Variants in MERTK observed in about 807,000 individuals in gnomAD.
The protein encoded by MERTK is tyrosine-protein kinase Mer.
A neutral mutation model predicts 99.3 loss-of-function variants in MERTK; 69 were observed. The observed-to-expected ratio is 0.70, with a 90% CI of 0.57 to 0.85. The LOEUF (loss-of-function observed/expected upper bound fraction) is 0.85, where lower values mean the gene tolerates loss of function less well. MERTK is among the 40% of genes least tolerant of loss of function. The pLI is 0.00. For synonymous variants in MERTK, 426 were observed against 467.6 expected (o/e 0.91, Z 1.15); for missense variants, 1,125 against 1,249.4 (o/e 0.90, Z 1.50).
intron 4 of MERTK, 22 bp downstream of exon 4, chr2:111,947,589 A>T: frequency 6.2e-7 from 1 of 1,613,266 alleles, no homozygotes; most frequent in Non-Finnish European, 8.5e-7. Context: ...CTGTGGGCTT[A>T]TTGATTTATT....
At chr2:111,986,996 C>G (rs1676490489) in intron 8 of MERTK, among the ~76,000 whole-genome samples, 1 of 152,210 alleles carries the variant, frequency 6.6e-6, no homozygotes, top group Non-Finnish European at 1.5e-5. Context: ...ATCTTGGCAT[C>G]TGTCACTTTG....
At chr2:111,911,689 C>G (rs973184400) in intron 1 of MERTK, among the ~76,000 whole-genome samples, 1 of 57,698 alleles carries the variant, frequency 1.7e-5, no homozygotes, top group Non-Finnish European at 3.0e-5. Flanking sequence ...AGCGCCCAGC[C>G]TTTTTTTTTT....
At chr2:111,935,106 A>G (rs1370249074) in intron 2 of MERTK, among the ~76,000 whole-genome samples, 1 of 152,224 alleles carries the variant, frequency 6.6e-6, no homozygotes, top group Non-Finnish European at 1.5e-5. Flanking sequence ...TGGTGATGTC[A>G]TTTTAGACAC....
intron 13 of MERTK, among the ~76,000 whole-genome samples, chr2:112,007,154 T>A (rs1329392356): frequency 6.6e-6 from 1 of 152,148 alleles, no homozygotes; most frequent in African/African-American, 2.4e-5. Flanking sequence ...TCCAAAACTT[T>A]TCTTTTCTTT....
rs533575602 is a variant in MERTK at position 111,936,882 on chromosome 2, G to C, written c.482+7342G>C. Among the ~76,000 whole-genome samples the C allele has an allele frequency of 2.0e-5, 3 of 152,254 alleles. No individual in the cohort carries two copies. The East Asian group carries it at 5.8e-4, about 29-fold the overall frequency. On this transcript the variant is annotated intron_variant, in intron 2 of 18. Coordinates refer to ENST00000295408, the MANE Select transcript of MERTK (RefSeq NM_006343.3). ...ATATTATAATTAGCTCTGATGTCTAGTATAGCAAGTAAACAGCCCTCTAGC... is the reference window on the plus strand; with the variant it reads ...ATATTATAATTAGCTCTGATGTCTACTATAGCAAGTAAACAGCCCTCTAGC...
In MERTK at chr2:112,019,487, T is replaced by C. The variant is rs1573646176; in HGVS notation, c.2154T>C (p.Asn718=). ...GAATGGAGTATCTGAGCAACAGGAATTTTCTTCATCGAGATTTAGCTGCTC... is the reference window on the plus strand; with the variant it reads ...GAATGGAGTATCTGAGCAACAGGAACTTTCTTCATCGAGATTTAGCTGCTC... ...ALGMEYLSNR[N]FLHRDLAARN... is the part of the protein sequence containing the mutation. Residue 718 remains asparagine, a synonymous_variant, in exon 16 of 19, where the codon AAT becomes AAC. Coordinates refer to ENST00000295408, the MANE Select transcript of MERTK (RefSeq NM_006343.3). 1 of 1,613,930 alleles carries C rather than the reference T, an allele frequency of 6.2e-7. No homozygotes were observed. Among genetic ancestry groups the C allele is most frequent in the Non-Finnish European group, 8.5e-7 (1 of 1,179,834 alleles).
At chr2:111,927,231 A>G in intron 1 of MERTK, among the ~76,000 whole-genome samples, 1 of 152,206 alleles carries the variant, frequency 6.6e-6, no homozygotes, top group East Asian at 1.9e-4. Context: ...GTTGGCCCCC[A>G]ACATCAAAGG....
chr2:111,973,022 C>A (rs1372803061), intron 6 of MERTK, among the ~76,000 whole-genome samples: 1 of 152,180 alleles, frequency 6.6e-6, no homozygotes, highest in African/African-American at 2.4e-5. Flanking sequence ...CTCTCACTTC[C>A]TTTGGTCCTG....
intron 4 of MERTK, chr2:111,952,070 A>G (rs1227858892): frequency 6.6e-6 from 1 of 152,168 alleles, no homozygotes; most frequent in Non-Finnish European, 1.5e-5. Context: ...ATTTATTTCT[A>G]AAAGGTCAGT....
chr2:111,996,385 G>C (rs1046012613), intron 9 of MERTK: 8 of 153,270 alleles, frequency 5.2e-5, no homozygotes, highest in African/African-American at 1.9e-4. Flanking sequence ...TGTTGTGATC[G>C]GTCACTGCGC....
chr2:111,903,385 G>A (rs944359202), intron 1 of MERTK, among the ~76,000 whole-genome samples: 89 of 152,200 alleles, frequency 5.8e-4, no homozygotes, highest in African/African-American at 1.9e-3. Flanking sequence ...TTTCATTGCT[G>A]GAGGAGCTAG....
chr2:111,992,777 AG>A (rs1676653208), intron 8 of MERTK, among the ~76,000 whole-genome samples: 2 of 151,558 alleles, frequency 1.3e-5, no homozygotes, highest in Non-Finnish European at 2.9e-5. Context: ...GAAAGAAAAA[AG>A]AAAAAAATAA....
chr2:111,963,981 A>G (rs1408145984), intron 4 of MERTK, among the ~76,000 whole-genome samples: 3 of 149,050 alleles, frequency 2.0e-5, no homozygotes, highest in Non-Finnish European at 4.4e-5. Flanking sequence ...TGTCAACATG[A>G]TATAGCACTT....
intron 2 of MERTK, chr2:111,940,917 G>T (rs2104698560): frequency 2.9e-6 from 2 of 681,740 alleles, no homozygotes; most frequent in East Asian, 2.9e-5. Context: ...CTTCAGTCTT[G>T]TAGTATCTGA....
In MERTK at chr2:111,929,379, A is replaced by G. The variant is rs1684626109; in HGVS notation, c.321A>G (p.Glu107=). 1.9e-6 allele frequency: 3 copies of G among 1,614,032 alleles called. No individual in the cohort carries two copies. The highest frequency in any genetic ancestry group is 1.7e-5 in the Admixed American group (1 of 59,986). ...CAGTTGGACACATAATACTTTCTGA[A>G]CATAAAGGTGTCAAATTTAATTGCT... ...KHTVGHIILS[E]HKGVKFNCSI... is the part of the protein sequence containing the mutation. Residue 107 remains glutamate (E), a synonymous_variant, in exon 2 of 19, where the codon GAA becomes GAG. Transcript: ENST00000295408.
chr2:111,994,338 G>A lies in MERTK; in HGVS notation c.1384G>A (p.Ala462Thr). The A allele has an allele frequency of 6.2e-7, 1 of 1,614,196 alleles. No individual in the cohort carries two copies. The highest frequency in any genetic ancestry group is 8.5e-7 in the Non-Finnish European group (1 of 1,180,036). The change falls in exon 9 of 19, where the codon GCA (alanine) becomes ACA (threonine). Residue 462 changes from alanine (A) to threonine (T), a missense_variant. By Grantham distance (58) the Ala-to-Thr change is moderately conservative. Transcript: ENST00000295408. ...CAATGCTACGTGCACAGTGAGGATT[G>A]CAGCCGTCACCAGAGGGGGAGTTGG... The part of the protein sequence containing the change: ...VHNATCTVRI[A>T]AVTRGGVGPF...
At chr2:111,934,597 T>C (rs928069209) in intron 2 of MERTK, among the ~76,000 whole-genome samples, 52 of 152,098 alleles carry the variant, frequency 3.4e-4, no homozygotes, top group Non-Finnish European at 1.0e-4. Context: ...ATTTAAGTTC[T>C]TTGTAGATTC....
chr2:111,945,048 A>G lies in MERTK; in HGVS notation c.571A>G (p.Ile191Val), dbSNP rs776368722. Reference sequence around the variant, plus strand: ...AGAGATCGTGTCTGATCCCATCTACATCGAAGTACAAGGTAAGTCCACAGA... The same window carrying G: ...AGAGATCGTGTCTGATCCCATCTACGTCGAAGTACAAGGTAAGTCCACAGA... ...NEEIVSDPIYIEVQGLPHFTK... is the reference protein window; with the variant it reads ...NEEIVSDPIYVEVQGLPHFTK... Residue 191 changes from isoleucine (I) to valine (V), a missense_variant, in exon 3 of 19, where the codon ATC (isoleucine) becomes GTC (valine). Coordinates refer to ENST00000295408, the MANE Select transcript of MERTK (RefSeq NM_006343.3). 1.2e-6 allele frequency: 2 copies of G among 1,612,858 alleles called. No homozygotes were observed. Among genetic ancestry groups the G allele is most frequent in the African/African-American group, 1.3e-5 (1 of 74,896 alleles).
intron 1 of MERTK, among the ~76,000 whole-genome samples, chr2:111,910,497 T>G (rs1684222737): frequency 6.6e-6 from 1 of 151,838 alleles, no homozygotes. Context: ...CTCGAACTCC[T>G]GACCTCAGGT....
Sources: gnomAD v4.1 joint callset for allele counts (sites outside exome capture counted in the v4.1 genomes callset) on GRCh38, gnomAD v4.1.1 for gene constraint, MANE v1.5 for transcripts, NCBI Gene and HGNC (gene_info 2026-07-23, HGNC 2026-07-21) for gene names.